The following AGXT2 variants were observed in gnomAD, a reference collection of about 807,000 sequenced individuals.
AGXT2 encodes alanine--glyoxylate aminotransferase 2.
A neutral mutation model predicts 62.5 loss-of-function variants in AGXT2; 61 were observed. The ratio of observed to expected loss-of-function variants is 0.98; its 90% CI spans 0.79 to 1.21. The LOEUF is 1.21. AGXT2 is among the 50% of genes most tolerant of loss of function. The pLI is 0.00. For synonymous variants in AGXT2, 243 were observed against 218.7 expected (o/e 1.11, Z -0.98); for missense variants, 666 against 641.5 (o/e 1.04, Z -0.41).
chr5:35,026,846 T>C, intron 7 of AGXT2: 1 of 985,266 alleles, frequency 1.0e-6, no homozygotes, highest in Non-Finnish European at 1.2e-6. Flanking sequence ...GCCCGTCCTC[T>C]CAAACAGGTG....
chr5:35,015,136 T>C (rs1766803905), intron 9 of AGXT2, among the ~76,000 whole-genome samples: 1 of 152,210 alleles, frequency 6.6e-6, no homozygotes, highest in South Asian at 2.1e-4. Context: ...TCACTTGGTT[T>C]CTGAAGGTTC....
chr5:35,002,134 T>C (rs1766248548), intron 13 of AGXT2, among the ~76,000 whole-genome samples: 3 of 152,136 alleles, frequency 2.0e-5, no homozygotes, highest in South Asian at 4.1e-4. Flanking sequence ...TCTTTATAAA[T>C]TGCATGTCTT....
chr5:35,033,635 T>A (rs1767659261), intron 5 of AGXT2, 82 bp from the exon 6 acceptor site: 1 of 1,095,814 alleles, frequency 9.1e-7, no homozygotes, highest in Non-Finnish European at 1.4e-6. Context: ...AGGAAGGCTA[T>A]GAAGATGAAA....
At chr5:35,002,343 G>A (rs1766259084) in intron 13 of AGXT2, among the ~76,000 whole-genome samples, 1 of 152,166 alleles carries the variant, frequency 6.6e-6, no homozygotes, top group Non-Finnish European at 1.5e-5. Flanking sequence ...AAGAAAACAT[G>A]GGGGTTTCCT....
chr5:35,034,680 A>C (rs1468882960), intron 5 of AGXT2, among the ~76,000 whole-genome samples: 1 of 152,214 alleles, frequency 6.6e-6, no homozygotes, highest in Admixed American at 6.5e-5. Flanking sequence ...TTTATTAATG[A>C]ATCTATTATC....
chr5:35,028,778 A>G (rs1031457669), intron 7 of AGXT2, among the ~76,000 whole-genome samples: 7 of 152,168 alleles, frequency 4.6e-5, no homozygotes, highest in Non-Finnish European at 1.0e-4. Flanking sequence ...AGGAGTGCAG[A>G]GAAAGATGTG....
chr5:35,012,347 C>T (rs1004723997), intron 11 of AGXT2: 6 of 154,034 alleles, frequency 3.9e-5, no homozygotes, highest in African/African-American at 1.2e-4. Context: ...CCCCAGCCAC[C>T]TAGTTTTCCT....
chr5:35,014,144 T>C (rs546297610), intron 9 of AGXT2, 25 bp from the exon 10 acceptor site: 1 of 1,613,746 alleles, frequency 6.2e-7, no homozygotes, highest in African/African-American at 1.3e-5. Context: ...TCAAAACCAT[T>C]GGAAACCCTT....
chr5:35,026,220 A>G (rs1035132135), intron 8 of AGXT2, 190 bp downstream of exon 8: 3 of 637,150 alleles, frequency 4.7e-6, no homozygotes, highest in Non-Finnish European at 8.2e-6. Flanking sequence ...TCTGGTGAGA[A>G]TGGAGGAGAG....
At chr5:35,016,087 T>A (rs1766841303) in intron 9 of AGXT2, among the ~76,000 whole-genome samples, 1 of 152,130 alleles carries the variant, frequency 6.6e-6, no homozygotes. Context: ...AGCTGATTGA[T>A]TTTTCCAAAT....
intron 7 of AGXT2, among the ~76,000 whole-genome samples, chr5:35,028,600 AGAGAG>A (rs1767452164): frequency 2.0e-5 from 2 of 100,148 alleles, no homozygotes; most frequent in African/African-American, 1.0e-4. Context: ...AGAGAGAGAG[AGAGAG>A]AGAGAGAGAG....
chr5:35,025,944 A>G, intron 8 of AGXT2, 89 bp from the exon 9 acceptor site: 1 of 1,092,622 alleles, frequency 9.2e-7, no homozygotes, highest in Non-Finnish European at 1.4e-6. Context: ...TATCATCATT[A>G]TCATGACAGT....
intron 1 of AGXT2, among the ~76,000 whole-genome samples, chr5:35,045,895 G>A (rs1768182666): frequency 6.6e-6 from 1 of 151,202 alleles, no homozygotes; most frequent in Admixed American, 6.6e-5. Context: ...AGCCTCCTGA[G>A]TAGCTGGAAC....
At chr5:35,010,235 C>T (rs1766580692) in intron 11 of AGXT2, 86 bp from the exon 12 acceptor site, 1 of 1,514,792 alleles carries the variant, frequency 6.6e-7, no homozygotes, top group African/African-American at 1.4e-5. Flanking sequence ...TGACATGGCC[C>T]TCTTGTAACT....
At chr5:35,025,364 G>A (rs747017543) in intron 9 of AGXT2, among the ~76,000 whole-genome samples, 4 of 152,158 alleles carry the variant, frequency 2.6e-5, no homozygotes, top group Non-Finnish European at 5.9e-5. Flanking sequence ...ATGACAGAGC[G>A]AGACTTTGTC....
chr5:35,008,037 A>T (rs1204394853), intron 12 of AGXT2, among the ~76,000 whole-genome samples: 1 of 152,118 alleles, frequency 6.6e-6, no homozygotes, highest in African/African-American at 2.4e-5. Flanking sequence ...AAGCAGTCTG[A>T]GGCCCTCATC....
At chr5:35,037,739 G>A (rs951677930) in intron 3 of AGXT2, among the ~76,000 whole-genome samples, 1 of 152,144 alleles carries the variant, frequency 6.6e-6, no homozygotes, top group Non-Finnish European at 1.5e-5. Context: ...TTTTCTGCAG[G>A]GAGATTCTAA....
intron 1 of AGXT2, among the ~76,000 whole-genome samples, chr5:35,044,979 C>A (rs1257687092): frequency 6.6e-6 from 1 of 152,158 alleles, no homozygotes; most frequent in Admixed American, 6.5e-5. Context: ...TTTTTGTGCC[C>A]TCCTTCCTTT....
At chr5:35,041,852 T>C (rs1384436467) in intron 1 of AGXT2, among the ~76,000 whole-genome samples, 1 of 152,194 alleles carries the variant, frequency 6.6e-6, no homozygotes, top group Non-Finnish European at 1.5e-5. Context: ...AAGAGATATA[T>C]ATTTCAAAGA....
Sources: allele counts gnomAD v4.1 joint callset (sites outside exome capture counted in the v4.1 genomes callset), GRCh38; gene constraint gnomAD v4.1.1; transcripts MANE v1.5; gene names NCBI Gene and HGNC (gene_info 2026-07-23, HGNC 2026-07-21).